Variants in SPA17 observed in about 807,000 individuals in gnomAD.
SPA17 encodes sperm surface protein Sp17.
SPA17 carries 7 observed loss-of-function variants against 13.8 expected under a neutral mutation model. That is an observed-to-expected ratio of 0.51 (90% confidence interval 0.29 to 0.95). The LOEUF (loss-of-function observed/expected upper bound fraction) is 0.95, where lower values mean the gene tolerates loss of function less well. Among genes scored for constraint, SPA17 ranks in the 40% least tolerant of loss-of-function variants. SPA17 has a pLI of 0.08. For missense variants in SPA17, 170 were observed against 179.3 expected (o/e 0.95, Z 0.30); for synonymous variants, 61 against 59.0 (o/e 1.03, Z -0.16).
chr11:124,678,855 C>T (rs557992430), intron 2 of SPA17, among the ~76,000 whole-genome samples: 1 of 152,064 alleles, frequency 6.6e-6, no homozygotes, highest in Admixed American at 6.6e-5. Context: ...GAATGAGGCA[C>T]CATGCCCAAC....
At chr11:124,692,794 A>G (rs904987187) in intron 4 of SPA17, among the ~76,000 whole-genome samples, 3 of 152,198 alleles carry the variant, frequency 2.0e-5, no homozygotes, top group African/African-American at 7.2e-5. Context: ...CTTGTGGACT[A>G]GGCCTCATAA....
chr11:124,696,812 C>T lies in SPA17; in HGVS notation c.*2366C>T, dbSNP rs1176220935. The T allele has an allele frequency of 1.3e-5, 2 of 152,128 alleles. No individual in the cohort carries two copies. The highest frequency in any genetic ancestry group is 4.8e-5 in the African/African-American group (2 of 41,418). The allele number at this position is 152,128 out of a possible 1,614,324, so 9.4% of individuals were successfully genotyped here. ...CCCAGACCTTTCTCTCCTCTGCCTG[C>T]GAACTTCTATATTCAACTGCCTACA... On this transcript the variant is annotated 3_prime_UTR_variant, in exon 5 of 5. Coordinates refer to ENST00000227135, the MANE Select transcript of SPA17 (RefSeq NM_017425.4).
Position 124,681,446 on chromosome 11 carries a change from A to G in SPA17, c.212A>G (p.Asn71Ser). 5 of 1,583,260 alleles carry G rather than the reference A, an allele frequency of 3.2e-6. No homozygotes were observed. Among genetic ancestry groups the G allele is most frequent in the African/African-American group, 1.4e-5 (1 of 73,950 alleles). The change falls in exon 3 of 5, where the codon AAT becomes AGT. Residue 71 changes from asparagine (N) to serine (S), a missense_variant. Coordinates refer to ENST00000227135, the MANE Select transcript of SPA17 (RefSeq NM_017425.4). ...GSKVEDRFYN[N>S]HAFEEQEPPE... is the part of the protein sequence containing the mutation. Reference sequence around the variant, plus strand: ...AAGGTAGAAGACCGCTTCTATAACAATCATGCATTCGAGGTATGGTCCTTT... The same window carrying G: ...AAGGTAGAAGACCGCTTCTATAACAGTCATGCATTCGAGGTATGGTCCTTT...
At chr11:124,679,102 A>C (rs1591403457) in intron 2 of SPA17, among the ~76,000 whole-genome samples, 1 of 151,034 alleles carries the variant, frequency 6.6e-6, no homozygotes, top group South Asian at 2.1e-4. Context: ...GCACCACTGC[A>C]CTCCAGCCTG....
Position 124,683,843 on chromosome 11 carries a change from A to G in SPA17, c.225+2384A>G, listed in dbSNP as rs189824450. Among the ~76,000 whole-genome samples the G allele has an allele frequency of 1.2e-3, 185 of 152,338 alleles. 1 individual carries two copies. The highest frequency in any genetic ancestry group is 2.2e-3 in the Admixed American group (33 of 15,312). Reference sequence around the variant, plus strand: ...ACCAGATTCATTAAAAAAAATTTCTATGTCTAAAGACAGAGGTAGACTGCA... The same window carrying G: ...ACCAGATTCATTAAAAAAAATTTCTGTGTCTAAAGACAGAGGTAGACTGCA... On this transcript the variant is annotated intron_variant, in intron 3 of 4. Coordinates refer to ENST00000227135, the MANE Select transcript of SPA17 (RefSeq NM_017425.4).
chr11:124,691,922 A>G, intron 4 of SPA17, 140 bp downstream of exon 4: 1 of 491,580 alleles, frequency 2.0e-6, no homozygotes, highest in East Asian at 3.4e-5. Flanking sequence ...AACATCAGTG[A>G]TAAACTAACT....
intron 3 of SPA17, among the ~76,000 whole-genome samples, chr11:124,690,814 G>T (rs1346051979): frequency 6.6e-6 from 1 of 152,158 alleles, no homozygotes; most frequent in Non-Finnish European, 1.5e-5. Flanking sequence ...CAAAGTTCAA[G>T]TTCTCCAGTA....
intron 2 of SPA17, among the ~76,000 whole-genome samples, chr11:124,678,870 T>C (rs913888004): frequency 2.0e-5 from 3 of 152,102 alleles, no homozygotes; most frequent in Non-Finnish European, 2.9e-5. Context: ...CCCAACTTTG[T>C]TTATATTTTT....
intron 3 of SPA17, among the ~76,000 whole-genome samples, chr11:124,691,165 A>G (rs2134418634): frequency 6.6e-6 from 1 of 152,324 alleles, no homozygotes; most frequent in African/African-American, 2.4e-5. Flanking sequence ...TTAAATAGCC[A>G]TGTCAAAATA....
At chr11:124,675,624 A>G (rs1943452904) in intron 2 of SPA17, 4 of 500,212 alleles carry the variant, frequency 8.0e-6, no homozygotes, top group South Asian at 2.5e-5. Flanking sequence ...TTACCAGTTC[A>G]TTATTCAGAC....
At chr11:124,687,877 A>G (rs1385238035) in intron 3 of SPA17, among the ~76,000 whole-genome samples, 1 of 152,220 alleles carries the variant, frequency 6.6e-6, no homozygotes, top group Non-Finnish European at 1.5e-5. Context: ...AACAGGAACA[A>G]GACAAGAATG....
intron 4 of SPA17, among the ~76,000 whole-genome samples, chr11:124,694,029 G>A (rs1467866204): frequency 6.6e-6 from 1 of 152,074 alleles, no homozygotes; most frequent in African/African-American, 2.4e-5. Flanking sequence ...TGTTGCTCAG[G>A]AAACTTAAAT....
At chr11:124,690,224 A>G (rs565145516) in intron 3 of SPA17, among the ~76,000 whole-genome samples, 4 of 152,344 alleles carry the variant, frequency 2.6e-5, no homozygotes, top group African/African-American at 9.6e-5. Flanking sequence ...GTATCTGTCC[A>G]ATGGATGAAT....
In SPA17 at chr11:124,691,699, C is replaced by G. The variant is rs1385205734; in HGVS notation, c.229C>G (p.Gln77Glu). Reference protein sequence around the residue: ...RFYNNHAFEEQEPPEKSDPKQ... With the variant: ...RFYNNHAFEEEEPPEKSDPKQ... Reference sequence around the variant, plus strand: ...TGGCTCTCTCCTATCTGTCCAGGAGCAAGAACCACCTGAGAAAAGTGATCC... The same window carrying G: ...TGGCTCTCTCCTATCTGTCCAGGAGGAAGAACCACCTGAGAAAAGTGATCC... Residue 77 changes from glutamine (Q) to glutamate (E), a missense_variant, in exon 4 of 5, where the codon CAA becomes GAA. Transcript: ENST00000227135. The G allele has an allele frequency of 6.2e-7, 1 of 1,610,500 alleles. No individual in the cohort carries two copies. The highest frequency in any genetic ancestry group is 1.1e-5 in the South Asian group (1 of 90,580).
At chr11:124,678,228 A>G (rs932575347) in intron 2 of SPA17, among the ~76,000 whole-genome samples, 24 of 152,344 alleles carry the variant, frequency 1.6e-4, no homozygotes, top group African/African-American at 5.8e-4. Flanking sequence ...GCTGTTTTCA[A>G]AAATGAGAAC....
At chr11:124,684,379 A>G (rs912278567) in intron 3 of SPA17, among the ~76,000 whole-genome samples, 4 of 152,010 alleles carry the variant, frequency 2.6e-5, no homozygotes, top group African/African-American at 9.7e-5. Flanking sequence ...CTCCTGCCTC[A>G]GCCTCCCGAG....
At chr11:124,691,816 T>C (rs1464716126) in intron 4 of SPA17, 34 bp downstream of exon 4, 2 of 1,433,940 alleles carry the variant, frequency 1.4e-6, no homozygotes, top group Admixed American at 1.8e-5. Context: ...ATTGGATTCC[T>C]ACAAAGAATG....
At chr11:124,684,566 G>T (rs1344872881) in intron 3 of SPA17, among the ~76,000 whole-genome samples, 1 of 152,156 alleles carries the variant, frequency 6.6e-6, no homozygotes, top group African/African-American at 2.4e-5. Flanking sequence ...GCAGTAAATT[G>T]GTACTGCAGA....
rs201320213 is a variant in SPA17 at position 124,694,396 on chromosome 11, A to G, written c.406A>G (p.Lys136Glu). 6.2e-7 allele frequency: 1 copy of G among 1,614,080 alleles called. No homozygotes were observed. The highest frequency in any genetic ancestry group is 1.3e-5 in the African/African-American group (1 of 75,040). ...RGHIAREEAK[K>E]MKTNSLQNEE... Reference sequence around the variant, plus strand: ...ACACATAGCCAGAGAGGAGGCAAAGAAAATGAAAACAAATAGTCTTCAAAA... The same window carrying G: ...ACACATAGCCAGAGAGGAGGCAAAGGAAATGAAAACAAATAGTCTTCAAAA... Residue 136 changes from lysine to glutamate, a missense_variant, in exon 5 of 5, where the codon AAA becomes GAA. Physicochemically the swap from Lys to Glu is moderately conservative, Grantham distance 56 (BLOSUM62 1). Transcript: ENST00000227135.
Sources: allele counts gnomAD v4.1 joint callset (sites outside exome capture counted in the v4.1 genomes callset), GRCh38; gene constraint gnomAD v4.1.1; transcripts MANE v1.5; gene names NCBI Gene and HGNC (gene_info 2026-07-23, HGNC 2026-07-21).